Variants in PIK3C2A observed in about 807,000 individuals in gnomAD.
The protein encoded by PIK3C2A is phosphatidylinositol-4-phosphate 3-kinase catalytic subunit type 2 alpha.
In PIK3C2A, 97 loss-of-function variants were observed where a neutral mutation model predicts 204.5. That is an observed-to-expected ratio of 0.47 (90% CI 0.40 to 0.56). The LOEUF (loss-of-function observed/expected upper bound fraction) is 0.56, where lower values mean the gene tolerates loss of function less well. Among genes scored for constraint, PIK3C2A ranks in the 20% least tolerant of loss-of-function variants. PIK3C2A has a pLI of 0.00. For missense variants in PIK3C2A, 1,735 were observed against 1,969.2 expected, an observed-to-expected ratio of 0.88 and a Z score of 2.25; for synonymous variants, 653 against 664.4, an observed-to-expected ratio of 0.98 and a Z score of 0.26.
intron 25 of PIK3C2A, among the ~76,000 whole-genome samples, chr11:17,100,485 G>A (rs1448335260): frequency 6.6e-6 from 1 of 152,106 alleles, no homozygotes; most frequent in East Asian, 1.9e-4. Context: ...GCCTCCCAAA[G>A]TGCTGGGATT....
chr11:17,122,268 T>C lies in PIK3C2A; in HGVS notation c.2577A>G (p.Ile859Met). ...CTAGTGTTTCTAAGTTATGTTGCTG[T>C]ATAATGCTTCTGTCAACTTGAGGAG... Reference protein sequence around the residue: ...YTTPQVDRSIIQQHNLETLEN... With the variant: ...YTTPQVDRSIMQQHNLETLEN... The change falls in exon 15 of 33, where the codon ATA becomes ATG. Residue 859 changes from isoleucine to methionine, a missense_variant. Around this residue, in one of 6 missense-constraint regions of PIK3C2A, gnomAD observed 567 missense variants for 576.0 expected, o/e 0.98. Transcript: ENST00000691414. The C allele has an allele frequency of 1.3e-6, 2 of 1,524,510 alleles. No individual in the cohort carries two copies. Among genetic ancestry groups the C allele is most frequent in the East Asian group, 4.5e-5 (2 of 44,286 alleles). The allele number at this position is 1,524,510 out of a possible 1,614,324, so 94.4% of individuals were successfully genotyped here.
chr11:17,110,369 G>C lies in PIK3C2A; in HGVS notation c.3544+63C>G. On this transcript the variant is annotated intron_variant, in intron 22 of 32. Transcript: ENST00000691414. Reference sequence around the variant, plus strand: ...TATCTGCATCAGGATGTTTACGGCAGGTACACTTTAAGCTAAGTTCAAGGA... The same window carrying C: ...TATCTGCATCAGGATGTTTACGGCACGTACACTTTAAGCTAAGTTCAAGGA... The C allele has an allele frequency of 5.4e-6, 7 of 1,284,606 alleles. No homozygotes were observed. The South Asian group carries it at 9.8e-5, about 18-fold the overall frequency. 79.6% of individuals were successfully genotyped at this position (1,284,606 alleles called of 1,614,324 possible).
intron 6 of PIK3C2A, among the ~76,000 whole-genome samples, chr11:17,146,663 G>T (rs569422092): frequency 6.6e-6 from 1 of 151,716 alleles, no homozygotes; most frequent in African/African-American, 2.4e-5. Flanking sequence ...AGAGGTTGCA[G>T]TGAGCTAAGA....
chr11:17,183,365 T>G (rs1851633240), intron 1 of PIK3C2A, among the ~76,000 whole-genome samples: 1 of 152,212 alleles, frequency 6.6e-6, no homozygotes, highest in Non-Finnish European at 1.5e-5. Context: ...ATTCTCTTAC[T>G]GTGCCTAACT....
intron 1 of PIK3C2A, among the ~76,000 whole-genome samples, chr11:17,190,918 A>G (rs1236614177): frequency 1.3e-5 from 2 of 152,290 alleles, no homozygotes; most frequent in African/African-American, 4.8e-5. Context: ...AACAGAAGAA[A>G]TATTTTAAAA....
chr11:17,100,358 T>C (rs1848590674), intron 25 of PIK3C2A, among the ~76,000 whole-genome samples: 2 of 150,942 alleles, frequency 1.3e-5, no homozygotes, highest in South Asian at 4.2e-4. Flanking sequence ...GGATTACAGA[T>C]ACGTACCACT....
rs1367014857 is a variant in PIK3C2A at position 17,095,959 on chromosome 11, AAAAT to A, written c.4326+1094_4326+1097del. ...AAATAACATAACATAAAATAAAATA[AAAAT>A]AAATAAAAAGTCAGTTAAAAAAAGG... On this transcript the variant is annotated intron_variant, in intron 27 of 32. Coordinates refer to ENST00000691414, the MANE Select transcript of PIK3C2A (RefSeq NM_002645.4). Among the ~76,000 whole-genome samples the A allele has an allele frequency of 3.3e-5, 5 of 151,914 alleles. No homozygotes were observed. The East Asian group carries it at 5.8e-4, about 18-fold the overall frequency.
intron 3 of PIK3C2A, among the ~76,000 whole-genome samples, chr11:17,154,736 G>A (rs895835517): frequency 2.6e-5 from 4 of 152,176 alleles, no homozygotes; most frequent in Non-Finnish European, 5.9e-5. Flanking sequence ...GTGAAGGAAA[G>A]GAAATGGAGT....
At chr11:17,101,519 C>A in intron 24 of PIK3C2A, 85 bp from the exon 25 acceptor site, 2 of 628,142 alleles carry the variant, frequency 3.2e-6, no homozygotes, top group East Asian at 6.1e-5. Context: ...ACTAAGCTAT[C>A]TGAGGTACAG....
At chr11:17,168,341 G>A (rs549678400) in intron 2 of PIK3C2A, among the ~76,000 whole-genome samples, 2 of 152,280 alleles carry the variant, frequency 1.3e-5, no homozygotes, top group South Asian at 4.1e-4. Flanking sequence ...CAGCACTTTG[G>A]GAGGCTGAGA....
chr11:17,101,689 C>T (rs7925852), intron 24 of PIK3C2A, among the ~76,000 whole-genome samples: 117,176 of 150,178 alleles, frequency 0.78, 45,907 homozygotes, highest in East Asian at 0.94. Context: ...CTGCAAGCTC[C>T]GCCTCCTGGG....
At chr11:17,109,474 GAT>G (rs1848929128) in intron 22 of PIK3C2A, among the ~76,000 whole-genome samples, 1 of 152,168 alleles carries the variant, frequency 6.6e-6, no homozygotes, top group Admixed American at 6.5e-5. Context: ...TAAATAGTAA[GAT>G]AGAAATCTGC....
intron 19 of PIK3C2A, 133 bp downstream of exon 19, chr11:17,117,358 C>T (rs940521338): frequency 1.9e-5 from 10 of 518,256 alleles, no homozygotes; most frequent in African/African-American, 1.9e-4. Context: ...AATTTATCTG[C>T]CCCAAATAGC....
At chr11:17,141,885 T>C (rs1850075154) in intron 8 of PIK3C2A, among the ~76,000 whole-genome samples, 1 of 152,198 alleles carries the variant, frequency 6.6e-6, no homozygotes, top group African/African-American at 2.4e-5. Flanking sequence ...TTAGACTGAA[T>C]GTGAAATGTA....
intron 1 of PIK3C2A, among the ~76,000 whole-genome samples, chr11:17,182,547 G>A (rs929005870): frequency 4.6e-5 from 6 of 131,572 alleles, no homozygotes; most frequent in South Asian, 2.3e-4. Context: ...CAGCCTGGAC[G>A]ACAGAACAAG....
rs572807896 is a variant in PIK3C2A, at chr11:17,168,576, T to C, written c.1065+101A>G. 15 of 883,930 alleles carry C rather than the reference T, an allele frequency of 1.7e-5. No individual in the cohort carries two copies. In the South Asian group the frequency reaches 2.4e-4, roughly 14 times the overall value. The allele number at this position is 883,930 out of a possible 1,614,324, so 54.8% of individuals were successfully genotyped here. A position where few individuals can be genotyped will look rare whatever the true frequency, so the allele number is the denominator to read the frequency against. On this transcript the variant is annotated intron_variant, in intron 2 of 32. Transcript: ENST00000691414. ...AGCCTGGGCGACAGAGCGAGACTCC[T>C]TCTTAAAAACAAAAACAAAAACAAA...
At position 17,088,616 on chromosome 11, in the gene PIK3C2A, G is replaced by A. The variant is rs1848213288; in HGVS notation, c.*1122C>T. On this transcript the variant is annotated 3_prime_UTR_variant, in exon 33 of 33. Coordinates refer to ENST00000691414, the MANE Select transcript of PIK3C2A (RefSeq NM_002645.4). ...ATGATTCTGAATCCAATTATATAAA[G>A]GAAAATAACTTTTCATGTGAATGTA... 1 of 152,076 alleles carries A rather than the reference G, an allele frequency of 6.6e-6. No individual in the cohort carries two copies. The highest frequency in any genetic ancestry group is 2.1e-4 in the South Asian group (1 of 4,828). 9.4% of individuals were successfully genotyped at this position (152,076 alleles called of 1,614,324 possible). A position where few individuals can be genotyped will look rare whatever the true frequency, so the allele number is the denominator to read the frequency against.
At chr11:17,152,568 C>A (rs951550113) in intron 3 of PIK3C2A, among the ~76,000 whole-genome samples, 6 of 152,064 alleles carry the variant, frequency 3.9e-5, no homozygotes, top group Admixed American at 6.5e-5. Context: ...ATACTCTAAG[C>A]CACACATTAC....
intron 20 of PIK3C2A, among the ~76,000 whole-genome samples, chr11:17,114,092 T>TAAATAAAA (rs1565250063): frequency 2.0e-5 from 3 of 149,866 alleles, no homozygotes; most frequent in African/African-American, 7.3e-5. Flanking sequence ...AATAAATAAA[T>TAAATAAAA]AAATAAATAA....
Sources: allele counts gnomAD v4.1 joint callset (sites outside exome capture counted in the v4.1 genomes callset), GRCh38; gene constraint gnomAD v4.1.1; regional missense constraint gnomAD v4.1.1; transcripts MANE v1.5; gene names NCBI Gene and HGNC (gene_info 2026-07-23, HGNC 2026-07-21).